LZTFL1: variants seen among roughly 807,000 people sequenced by gnomAD.
LZTFL1 encodes leucine zipper transcription factor-like protein 1.
Under a neutral mutation model 45.9 loss-of-function variants are expected in LZTFL1, and 25 were observed. The ratio of observed to expected loss-of-function variants is 0.54; its 90% confidence interval spans 0.40 to 0.76. The LOEUF (loss-of-function observed/expected upper bound fraction) is 0.76, where lower values mean the gene tolerates loss of function less well. Among genes scored for constraint, LZTFL1 ranks in the 30% least tolerant of loss-of-function variants. The pLI is 0.00. For synonymous variants in LZTFL1, 93 were observed against 117.4 expected (o/e 0.79, Z 1.35); for missense variants, 277 against 331.1 (o/e 0.84, Z 1.27).
At chr3:45,910,830 C>T (rs981679990) in intron 2 of LZTFL1, among the ~76,000 whole-genome samples, 20 of 152,110 alleles carry the variant, frequency 1.3e-4, no homozygotes, top group African/African-American at 3.9e-4. Context: ...TTATTTTATT[C>T]GCCATTTTGT....
At chr3:45,858,674 G>A (rs760466339) in intron 3 of LZTFL1, among the ~76,000 whole-genome samples, 2 of 152,184 alleles carry the variant, frequency 1.3e-5, no homozygotes, top group Non-Finnish European at 2.9e-5. Flanking sequence ...TTTTGAAAGT[G>A]CCTTTGTTTA....
chr3:45,855,208 T>C, intron 3 of LZTFL1: 1 of 559,566 alleles, frequency 1.8e-6, no homozygotes, highest in Non-Finnish European at 3.2e-6. Context: ...AAAAAGCTTA[T>C]CCACCACAAT....
At chr3:45,906,020 T>C (rs1702671872) in intron 2 of LZTFL1, among the ~76,000 whole-genome samples, 1 of 152,168 alleles carries the variant, frequency 6.6e-6, no homozygotes, top group African/African-American at 2.4e-5. Flanking sequence ...TCCAAAGGCA[T>C]TGATTCCTAA....
intron 2 of LZTFL1, among the ~76,000 whole-genome samples, chr3:45,836,961 A>C (rs1700982295): frequency 6.6e-6 from 1 of 152,104 alleles, no homozygotes; most frequent in Admixed American, 6.6e-5. Flanking sequence ...CTACCCTCCA[A>C]AGTCCCTTCT....
At chr3:45,832,914 A>T (rs1210235002) in intron 5 of LZTFL1, 136 bp downstream of exon 5, 2 of 632,436 alleles carry the variant, frequency 3.2e-6, no homozygotes, top group African/African-American at 3.7e-5. Context: ...CCCATGGGGT[A>T]CCATCAAGTA....
chr3:45,872,283 G>A (rs372259616), intron 2 of LZTFL1, among the ~76,000 whole-genome samples: 13 of 152,182 alleles, frequency 8.5e-5, no homozygotes, highest in African/African-American at 2.9e-4. Context: ...ACCCCAAAGC[G>A]GGGCTGTGGT....
upstream of LZTFL1, among the ~76,000 whole-genome samples, chr3:45,844,962 T>G (rs1430402391): frequency 6.6e-6 from 1 of 152,178 alleles, no homozygotes; most frequent in Non-Finnish European, 1.5e-5. Context: ...ATAGATTAGT[T>G]TCACTGATAA....
At chr3:45,902,796 C>T (rs1214019029) in intron 2 of LZTFL1, 1 of 167,040 alleles carries the variant, frequency 6.0e-6, no homozygotes, top group East Asian at 1.9e-4. Context: ...TCTTTTGGCC[C>T]TCTTCTTTCT....
chr3:45,892,465 A>G (rs1420304126), intron 2 of LZTFL1, among the ~76,000 whole-genome samples: 1 of 152,162 alleles, frequency 6.6e-6, no homozygotes, highest in African/African-American at 2.4e-5. Flanking sequence ...CAGAACAGAA[A>G]AACAAATGTC....
chr3:45,905,489 C>T (rs1397677835), intron 2 of LZTFL1, among the ~76,000 whole-genome samples: 1 of 152,260 alleles, frequency 6.6e-6, no homozygotes, highest in Non-Finnish European at 1.5e-5. Flanking sequence ...CTTGTATACG[C>T]TCAATTGTGG....
chr3:45,908,619 C>G (rs1197263518), intron 2 of LZTFL1, among the ~76,000 whole-genome samples: 1 of 152,096 alleles, frequency 6.6e-6, no homozygotes, highest in Non-Finnish European at 1.5e-5. Flanking sequence ...ACAGGAATGA[C>G]CTACAGGAAG....
chr3:45,867,167 A>AC (rs1701591940), intron 2 of LZTFL1, among the ~76,000 whole-genome samples: 1 of 151,744 alleles, frequency 6.6e-6, no homozygotes, highest in Non-Finnish European at 1.5e-5. Flanking sequence ...AAAAAAAAAA[A>AC]AAAACCCAAA....
chr3:45,898,760 A>G (rs1447968813), intron 2 of LZTFL1, among the ~76,000 whole-genome samples: 3 of 152,250 alleles, frequency 2.0e-5, no homozygotes, highest in African/African-American at 7.2e-5. Flanking sequence ...CTCCACAAAC[A>G]CACACACAAC....
At chr3:45,893,766 T>C (rs554784486) in intron 2 of LZTFL1, among the ~76,000 whole-genome samples, 1 of 152,382 alleles carries the variant, frequency 6.6e-6, no homozygotes, top group South Asian at 2.1e-4. Context: ...CATACTAGTC[T>C]TTATGGGGAC....
At chr3:45,868,059 G>T (rs1701607025) in intron 2 of LZTFL1, among the ~76,000 whole-genome samples, 1 of 147,502 alleles carries the variant, frequency 6.8e-6, no homozygotes, top group South Asian at 2.1e-4. Context: ...TGCTGCCCTT[G>T]AATCCTTCTC....
chr3:45,869,665 A>G (rs1458455065), intron 2 of LZTFL1, among the ~76,000 whole-genome samples: 1 of 152,162 alleles, frequency 6.6e-6, no homozygotes, highest in African/African-American at 2.4e-5. Context: ...AGTGTGGGTA[A>G]TGCCTGGAGA....
intron 2 of LZTFL1, among the ~76,000 whole-genome samples, chr3:45,890,510 C>T (rs1360493322): frequency 2.0e-5 from 3 of 150,276 alleles, no homozygotes; most frequent in African/African-American, 7.4e-5. Context: ...AAGAGTAATG[C>T]TCAGCTCCAA....
rs536858157 is a variant in LZTFL1, at chr3:45,849,636, C to A, written c.-49+5350G>T. ...GGAGGGAATTTATCTGACTTCCACC[C>A]GGTCAGCCTGCAAAACTAACCCAAG... On this transcript the variant is annotated intron_variant, in intron 4 of 4. Coordinates refer to the LZTFL1 transcript ENST00000472635. Among the ~76,000 whole-genome samples, 4 of 152,136 alleles carry A rather than the reference C, an allele frequency of 2.6e-5. No individual in the cohort carries two copies. In the East Asian group the frequency reaches 7.7e-4, roughly 29 times the overall value.
intron 4 of LZTFL1, among the ~76,000 whole-genome samples, chr3:45,850,319 T>C (rs1701287999): frequency 6.6e-6 from 1 of 152,156 alleles, no homozygotes; most frequent in Non-Finnish European, 1.5e-5. Flanking sequence ...CAAGGTCATG[T>C]AGTGAGTCGA....
Sources: allele counts gnomAD v4.1 joint callset (sites outside exome capture counted in the v4.1 genomes callset), GRCh38; gene constraint gnomAD v4.1.1; transcripts MANE v1.5; gene names NCBI Gene and HGNC (gene_info 2026-07-23, HGNC 2026-07-21).